The following RAB40A variants were observed in gnomAD, a reference collection of about 807,000 sequenced individuals.
RAB40A encodes the protein RAB40A, member RAS oncogene family, also known as ras-related protein Rab-40A.
For synonymous variants in RAB40A, 65 were observed against 99.9 expected (o/e 0.65, Z 2.08); for missense variants, 145 against 230.2 (o/e 0.63, Z 2.40).
At chrX:103,499,005 G>A (rs1450802993), downstream of RAB40A, 3 of 111,783 alleles carry the variant, frequency 2.7e-5, no homozygotes, top group Non-Finnish European at 5.6e-5. Context: ...ACTCACCTAA[G>A]GCCTTATAAT....
rs188421702 is a variant in RAB40A, at chrX:103,507,096, T to G, written c.-70-6270A>C. Among the ~76,000 whole-genome samples, 96 of 102,648 alleles carry G rather than the reference T, an allele frequency of 9.4e-4. 3 individuals carry two copies. The East Asian group carries it at 0.026, about 28-fold the overall frequency. 89.1% of individuals were successfully genotyped at this position (102,648 alleles called of 115,157 possible). On this transcript the variant is annotated intron_variant, in intron 2 of 2. Coordinates refer to ENST00000304236, the MANE Select transcript of RAB40A (RefSeq NM_080879.3). ...TGTTCCTCTCTCTGTCCATGTGTTC[T>G]CAGTGTTCAGCTCCCACTTATGAGT...
In RAB40A at chrX:103,500,203, C is replaced by T. The variant is rs1430458386; in HGVS notation, c.554G>A (p.Arg185Lys). The T allele has an allele frequency of 1.7e-6, 2 of 1,211,105 alleles. No individual in the cohort carries two copies. The highest frequency in any genetic ancestry group is 2.2e-6 in the Non-Finnish European group (2 of 894,965). The change falls in exon 3 of 3, where the codon AGG becomes AAG. Residue 185 changes from arginine (R) to lysine (K), a missense_variant. By Grantham distance (26) the Arg-to-Lys change is conservative. Transcript: ENST00000304236. Reference sequence around the variant, plus strand: ...TTGCAAGCTCAGTACCTTGCTCGGCCTCCCGAGCCAATTCATCCTGTGCCG... The same window carrying T: ...TTGCAAGCTCAGTACCTTGCTCGGCTTCCCGAGCCAATTCATCCTGTGCCG... Reference protein sequence around the residue: ...LLRHRMNWLGRPSKVLSLQDL... With the variant: ...LLRHRMNWLGKPSKVLSLQDL...
At chrX:103,507,534 A>T (rs1413881392) in intron 2 of RAB40A, among the ~76,000 whole-genome samples, 3 of 111,266 alleles carry the variant, frequency 2.7e-5, no homozygotes, top group Non-Finnish European at 5.6e-5. Context: ...GCGTTGAAGG[A>T]GATTAGAGCA....
chrX:103,505,491 T>C (rs1048573133), intron 2 of RAB40A, among the ~76,000 whole-genome samples: 5 of 112,250 alleles, frequency 4.5e-5, no homozygotes, highest in African/African-American at 1.6e-4. Context: ...ATTTGCCCCT[T>C]ACTCTTTTTT....
chrX:103,515,148 TG>T (rs1183901015), intron 2 of RAB40A, among the ~76,000 whole-genome samples: 6 of 112,530 alleles, frequency 5.3e-5, no homozygotes, highest in Non-Finnish European at 1.1e-4. Context: ...AGGACAGGTC[TG>T]GCATTCAGTC....
chrX:103,516,575 C>T (rs903932898), intron 2 of RAB40A, among the ~76,000 whole-genome samples: 6 of 111,097 alleles, frequency 5.4e-5, no homozygotes, highest in African/African-American at 2.0e-4. Flanking sequence ...ATGTAACTCC[C>T]ATAGTAAGTC....
downstream of RAB40A, among the ~76,000 whole-genome samples, chrX:103,496,821 T>C (rs1307125355): frequency 8.9e-6 from 1 of 112,656 alleles, no homozygotes; most frequent in African/African-American, 3.2e-5. Context: ...TAGGTAAATA[T>C]AGCATTGCAA....
intron 2 of RAB40A, among the ~76,000 whole-genome samples, chrX:103,511,084 A>G (rs754270155): frequency 8.9e-6 from 1 of 112,112 alleles, no homozygotes; most frequent in South Asian, 3.7e-4. Context: ...ATGCACACGT[A>G]TGTTTATTGT....
At chrX:103,503,366 C>T (rs558928828) in intron 2 of RAB40A, 28 of 750,758 alleles carry the variant, frequency 3.7e-5, no homozygotes, top group African/African-American at 9.4e-5. Flanking sequence ...AGCTTATGCA[C>T]GGGCAATGGA....
chrX:103,509,905 A>C (rs1189248254), intron 2 of RAB40A, among the ~76,000 whole-genome samples: 1 of 109,307 alleles, frequency 9.1e-6, no homozygotes, highest in Non-Finnish European at 1.9e-5. Flanking sequence ...TCCCGGGTTC[A>C]AGCGATTCTC....
chrX:103,493,983 T>A, the RAB40A span, among the ~76,000 whole-genome samples: 1 of 112,290 alleles, frequency 8.9e-6, no homozygotes, highest in Non-Finnish European at 1.9e-5. Flanking sequence ...GGAAGTTCAA[T>A]TTTTAGTTTT....
intron 1 of RAB40A, among the ~76,000 whole-genome samples, chrX:103,517,840 G>C (rs750890835): frequency 1.8e-5 from 2 of 111,802 alleles, no homozygotes; most frequent in Admixed American, 9.5e-5. Flanking sequence ...CTACATCCTA[G>C]ATTTCAATGC....
intron 2 of RAB40A, among the ~76,000 whole-genome samples, chrX:103,506,907 AT>A (rs1255577106): frequency 3.6e-5 from 4 of 111,628 alleles, no homozygotes; most frequent in South Asian, 3.7e-4. Context: ...GGTTTTTGTA[AT>A]TTTTTTTAAT....
chrX:103,499,865 A>C lies in RAB40A; in HGVS notation c.*58T>G, dbSNP rs1756719862. On this transcript the variant is annotated 3_prime_UTR_variant, in exon 3 of 3. Coordinates refer to ENST00000304236, the MANE Select transcript of RAB40A (RefSeq NM_080879.3). The stretch of plus-strand genomic sequence containing the variant: ...ATCTACAATGCGACTTCCATCTTCC[A>C]GGTGTAACCAGAGTTTTTCCTGGAG... The C allele has an allele frequency of 8.5e-7, 1 of 1,171,287 alleles. No individual in the cohort carries two copies. The highest frequency in any genetic ancestry group is 2.2e-5 in the Admixed American group (1 of 45,967).
At chrX:103,512,590 A>AT (rs2073296553) in intron 2 of RAB40A, among the ~76,000 whole-genome samples, 1 of 111,517 alleles carries the variant, frequency 9.0e-6, no homozygotes, top group African/African-American at 3.3e-5. Flanking sequence ...AATATTAACC[A>AT]TTTCTATCAT....
At chrX:103,514,227 CA>C (rs1383728542) in intron 2 of RAB40A, among the ~76,000 whole-genome samples, 1 of 111,984 alleles carries the variant, frequency 8.9e-6, no homozygotes. Context: ...AACAAAATAA[CA>C]CCATATTTCA....
In RAB40A at chrX:103,505,014, T is replaced by C. The variant is rs1015284273; in HGVS notation, c.-70-4188A>G. ...ATCTTCACTTCAGGAGCTTCCTTTA[T>C]GCCCTTACAAGTCATTATACCTCCA... On this transcript the variant is annotated intron_variant, in intron 2 of 2. Transcript: ENST00000304236. Among the ~76,000 whole-genome samples, 6 of 112,403 alleles carry C rather than the reference T, an allele frequency of 5.3e-5. No individual in the cohort carries two copies. In the Admixed American group the frequency reaches 5.7e-4, roughly 11 times the overall value.
intron 2 of RAB40A, among the ~76,000 whole-genome samples, chrX:103,507,294 C>G (rs184597816): frequency 7.2e-5 from 8 of 111,326 alleles, no homozygotes; most frequent in African/African-American, 2.6e-4. Flanking sequence ...ATTTTCTGTT[C>G]AAATCATTGC....
Position 103,503,304 on chromosome X carries a change from C to T in RAB40A, c.-70-2478G>A, listed in dbSNP as rs10521501. ...GGAGCAGGGTCTGGGCAACTGTGTC[C>T]ATAGGATCCTAGAGAAGGGAGGACT... On this transcript the variant is annotated intron_variant, in intron 2 of 2. Transcript: ENST00000304236. The T allele has an allele frequency of 0.01, 7,511 of 750,965 alleles. 448 individuals carry two copies. The African/African-American group carries it at 0.16, about 16-fold the overall frequency. 61.9% of individuals were successfully genotyped at this position (750,965 alleles called of 1,213,427 possible). A position where few individuals can be genotyped will look rare whatever the true frequency, so the allele number is the denominator to read the frequency against.
Sources: gnomAD v4.1 joint callset for allele counts (sites outside exome capture counted in the v4.1 genomes callset) on GRCh38, gnomAD v4.1.1 for gene constraint, MANE v1.5 for transcripts, NCBI Gene and HGNC (gene_info 2026-07-23, HGNC 2026-07-21) for gene names.